The following TENM1 variants were observed in gnomAD, a reference collection of about 807,000 sequenced individuals.
TENM1 encodes the protein teneurin-1.
TENM1 carries 35 observed loss-of-function variants against 174.8 expected under a neutral mutation model. The ratio of observed to expected loss-of-function variants is 0.20; its 90% CI spans 0.15 to 0.27. The LOEUF is 0.27. Among genes scored for constraint, TENM1 ranks in the 10% least tolerant of loss-of-function variants. TENM1 has a pLI of 1.00. For synonymous variants in TENM1, 781 were observed against 798.7 expected (o/e 0.98, Z 0.37); for missense variants, 1,633 against 2,130.1 (o/e 0.77, Z 4.59).
At chrX:125,090,794 G>A in the TENM1 span, among the ~76,000 whole-genome samples, 173 of 99,711 alleles carry the variant, frequency 1.7e-3, 1 homozygote, top group African/African-American at 6.1e-3. Context: ...TGTCCAGAAG[G>A]TGGGTAAGAT....
intron 3 of TENM1, among the ~76,000 whole-genome samples, chrX:124,889,305 G>A (rs915970933): frequency 9.0e-6 from 1 of 111,201 alleles, no homozygotes; most frequent in Non-Finnish European, 1.9e-5. Context: ...GACTCAAGTT[G>A]AGAAAATTAT....
chrX:124,530,136 G>GT (rs1279514951), intron 15 of TENM1, among the ~76,000 whole-genome samples, 153 bp from the exon 19 acceptor site: 1,161 of 105,153 alleles, frequency 0.011, 9 homozygotes, highest in African/African-American at 0.037. Context: ...CTGGGGAGGA[G>GT]TTTTTTTTTT....
intron 16 of TENM1, among the ~76,000 whole-genome samples, chrX:124,528,530 G>A (rs1444863188): frequency 9.0e-6 from 1 of 110,907 alleles, no homozygotes; most frequent in Non-Finnish European, 1.9e-5. Flanking sequence ...TTGCAAGGGT[G>A]AGGCTAGTTT....
chrX:124,877,286 T>G (rs2057221440), intron 3 of TENM1, among the ~76,000 whole-genome samples: 1 of 112,297 alleles, frequency 8.9e-6, no homozygotes, highest in African/African-American at 3.2e-5. Flanking sequence ...TTAATTGCAG[T>G]GGCAGTTGAT....
At chrX:124,742,927 C>G (rs939382438) in intron 3 of TENM1, among the ~76,000 whole-genome samples, 4 of 110,898 alleles carry the variant, frequency 3.6e-5, no homozygotes, top group Non-Finnish European at 7.6e-5. Context: ...AGCTGCCCTC[C>G]CCTTCTAGGC....
intron 22 of TENM1, among the ~76,000 whole-genome samples, chrX:124,473,445 T>C (rs1450674391): frequency 9.0e-6 from 1 of 111,464 alleles, no homozygotes; most frequent in Non-Finnish European, 1.9e-5. Flanking sequence ...GGAGCTGTGA[T>C]AGGGAAGCAA....
intron 22 of TENM1, among the ~76,000 whole-genome samples, chrX:124,461,020 T>C (rs929028805): frequency 2.8e-4 from 31 of 112,379 alleles, no homozygotes; most frequent in Admixed American, 1.0e-3. Context: ...TGTATTCCTA[T>C]AGATCTCTTA....
chrX:124,640,939 C>T lies in TENM1; in HGVS notation c.2077+852G>A, dbSNP rs780936151. Among the ~76,000 whole-genome samples the T allele has an allele frequency of 1.5e-3, 121 of 83,128 alleles. 3 individuals are homozygous for T. The Admixed American group carries it at 0.017, about 12-fold the overall frequency. The allele number at this position is 83,128 out of a possible 115,157, so 72.2% of individuals were successfully genotyped here. On this transcript the variant is annotated intron_variant, in intron 11 of 31. Transcript: ENST00000422452. ...TTGCGCCACTGCACTCCAGCCTGGG[C>T]GACAGAGCGAGAATCCATCTCCAAA...
intron 25 of TENM1, among the ~76,000 whole-genome samples, chrX:124,413,239 G>A (rs2060556351): frequency 8.9e-6 from 1 of 111,787 alleles, no homozygotes; most frequent in African/African-American, 3.3e-5. Flanking sequence ...TGAGAAGATG[G>A]TGGTCTGTTG....
At chrX:124,756,319 G>C (rs2054239714) in intron 3 of TENM1, among the ~76,000 whole-genome samples, 1 of 102,620 alleles carries the variant, frequency 9.7e-6, no homozygotes, top group Admixed American at 1.0e-4. Context: ...CGTAGTTCTC[G>C]AGCCTTGGCT....
intron 11 of TENM1, among the ~76,000 whole-genome samples, chrX:124,598,439 A>G (rs889707381): frequency 1.8e-5 from 2 of 111,733 alleles, no homozygotes; most frequent in Non-Finnish European, 3.8e-5. Flanking sequence ...CTGCACCCCT[A>G]TGTTTGTTGC....
intron 25 of TENM1, among the ~76,000 whole-genome samples, chrX:124,408,301 T>C (rs1320344458): frequency 9.0e-6 from 1 of 110,771 alleles, no homozygotes; most frequent in African/African-American, 3.3e-5. Context: ...TACCACTACA[T>C]CTGGCTAATT....
chrX:124,793,351 A>C (rs942570601), intron 3 of TENM1, among the ~76,000 whole-genome samples: 2 of 111,744 alleles, frequency 1.8e-5, no homozygotes, highest in African/African-American at 6.5e-5. Context: ...GAATATGTAG[A>C]CTGGAAGCAG....
the TENM1 span, among the ~76,000 whole-genome samples, chrX:125,033,765 G>A: frequency 9.2e-6 from 1 of 108,619 alleles, no homozygotes; most frequent in Admixed American, 9.9e-5. Flanking sequence ...ATCACAACTT[G>A]CATACATGGC....
chrX:124,556,023 T>G lies in TENM1; in HGVS notation c.2434+5648A>C, dbSNP rs970134649. The stretch of plus-strand genomic sequence containing the variant: ...CAGAGCTTTCAATGGAAATTTTAAA[T>G]AAATGGGATGAAGATCCCGAAGCAT... On this transcript the variant is annotated intron_variant, in intron 14 of 31. Coordinates refer to ENST00000422452, the Ensembl canonical transcript of TENM1. Among the ~76,000 whole-genome samples the G allele has an allele frequency of 2.7e-5, 3 of 112,090 alleles. No homozygotes were observed. The Admixed American group carries it at 2.8e-4, about 11-fold the overall frequency.
chrX:124,973,747 G>T, the TENM1 span, among the ~76,000 whole-genome samples: 1 of 111,747 alleles, frequency 8.9e-6, no homozygotes, highest in Admixed American at 9.5e-5. Context: ...CATTGATTTT[G>T]TATCCTGAGA....
intron 27 of TENM1, among the ~76,000 whole-genome samples, chrX:124,396,693 G>C (rs1013594708): frequency 9.0e-6 from 1 of 111,217 alleles, no homozygotes; most frequent in Non-Finnish European, 1.9e-5. Flanking sequence ...TGGGTTTGTG[G>C]GCAAGGCTGA....
chrX:125,044,714 G>T, the TENM1 span, among the ~76,000 whole-genome samples: 1 of 111,160 alleles, frequency 9.0e-6, no homozygotes, highest in Non-Finnish European at 1.9e-5. Flanking sequence ...ACTTTCACAC[G>T]TCTATTAAAT....
At chrX:124,874,248 T>TA (rs1484024845) in intron 3 of TENM1, among the ~76,000 whole-genome samples, 1 of 111,632 alleles carries the variant, frequency 9.0e-6, no homozygotes, top group Non-Finnish European at 1.9e-5. Context: ...CAATATTTCA[T>TA]ACACATTTTC....
Sources: allele counts gnomAD v4.1 joint callset (sites outside exome capture counted in the v4.1 genomes callset), GRCh38; gene constraint gnomAD v4.1.1; transcripts MANE v1.5; gene names NCBI Gene and HGNC (gene_info 2026-07-23, HGNC 2026-07-21).